The following ARHGAP10 variants were observed in gnomAD, a reference collection of about 807,000 sequenced individuals.
ARHGAP10 encodes Rho GTPase activating protein 10, also known as rho GTPase-activating protein 10.
A neutral mutation model predicts 108.6 loss-of-function variants in ARHGAP10; 87 were observed. The observed-to-expected ratio is 0.80, with a 90% CI of 0.67 to 0.96. The LOEUF (loss-of-function observed/expected upper bound fraction) is 0.96, where lower values mean the gene tolerates loss of function less well. Ranked by LOEUF, ARHGAP10 falls within the 40% of genes least tolerant of loss-of-function variation. ARHGAP10 has a pLI of 0.00. For synonymous variants in ARHGAP10, 347 were observed against 341.1 expected (o/e 1.02, Z -0.19); for missense variants, 939 against 954.5 (o/e 0.98, Z 0.21).
At position 147,817,467 on chromosome 4, in the gene ARHGAP10, T is replaced by A. The variant is rs1732298765; in HGVS notation, c.155-5260T>A. Among the ~76,000 whole-genome samples the A allele has an allele frequency of 2.6e-5, 4 of 152,314 alleles. No homozygotes were observed. The South Asian group carries it at 8.3e-4, about 32-fold the overall frequency. On this transcript the variant is annotated intron_variant, in intron 1 of 22. Coordinates refer to ENST00000336498, the MANE Select transcript of ARHGAP10 (RefSeq NM_024605.4). ...AGAAATAATTTTCTCAGTTGTAGAATCAAGGACAAGCAGTGGCAGTTCAGG... is the reference window on the plus strand; with the variant it reads ...AGAAATAATTTTCTCAGTTGTAGAAACAAGGACAAGCAGTGGCAGTTCAGG...
At chr4:147,843,527 T>C (rs1733502581) in intron 3 of ARHGAP10, among the ~76,000 whole-genome samples, 1 of 152,144 alleles carries the variant, frequency 6.6e-6, no homozygotes. Flanking sequence ...TTTTTTCTTT[T>C]TCTTTTTCTT....
chr4:147,832,945 G>A (rs926841804), intron 3 of ARHGAP10, among the ~76,000 whole-genome samples: 6 of 152,114 alleles, frequency 3.9e-5, no homozygotes, highest in Non-Finnish European at 5.9e-5. Flanking sequence ...TCAGTCCACA[G>A]ACCACTTAAG....
intron 10 of ARHGAP10, among the ~76,000 whole-genome samples, chr4:147,902,073 A>G (rs34970355): frequency 0.7 from 106,692 of 152,086 alleles, 43,534 homozygotes; most frequent in Non-Finnish European, 0.91. Context: ...ATTGTAGTTG[A>G]TCTGTCTTCT....
At chr4:147,931,430 A>C (rs1737677263) in intron 13 of ARHGAP10, among the ~76,000 whole-genome samples, 1 of 152,182 alleles carries the variant, frequency 6.6e-6, no homozygotes, top group Non-Finnish European at 1.5e-5. Context: ...GAAAAATCAC[A>C]ATAATTTGGA....
At chr4:147,810,126 T>C (rs904550892) in intron 1 of ARHGAP10, among the ~76,000 whole-genome samples, 3 of 152,224 alleles carry the variant, frequency 2.0e-5, no homozygotes, top group Non-Finnish European at 4.4e-5. Flanking sequence ...AGGAGTGATA[T>C]TGAGTGGTGG....
At chr4:147,946,963 G>T (rs1389529599) in intron 15 of ARHGAP10, among the ~76,000 whole-genome samples, 1 of 152,124 alleles carries the variant, frequency 6.6e-6, no homozygotes, top group Non-Finnish European at 1.5e-5. Context: ...TACATTTTAG[G>T]AATTAAACAC....
At chr4:147,834,730 G>A (rs146448366) in intron 3 of ARHGAP10, among the ~76,000 whole-genome samples, 524 of 116,936 alleles carry the variant, frequency 4.5e-3, no homozygotes, top group Non-Finnish European at 6.9e-3. Flanking sequence ...ACTTCCACCC[G>A]CACACCCACC....
intron 1 of ARHGAP10, among the ~76,000 whole-genome samples, chr4:147,753,051 A>G (rs1420137508): frequency 2.6e-5 from 4 of 152,218 alleles, no homozygotes; most frequent in Admixed American, 1.3e-4. Flanking sequence ...AATTTTGTCC[A>G]AAGTCATATG....
chr4:147,854,948 C>A, intron 4 of ARHGAP10: 1 of 867,826 alleles, frequency 1.2e-6, no homozygotes, highest in Non-Finnish European at 1.4e-6. Context: ...TGTTGATTTT[C>A]ATAGCCTTCT....
At chr4:147,932,030 A>G (rs1737713517) in intron 13 of ARHGAP10, among the ~76,000 whole-genome samples, 1 of 152,216 alleles carries the variant, frequency 6.6e-6, no homozygotes, top group Non-Finnish European at 1.5e-5. Context: ...TCTCAAGACA[A>G]GACATACATG....
intron 7 of ARHGAP10, among the ~76,000 whole-genome samples, chr4:147,871,572 T>C (rs1405209793): frequency 6.6e-6 from 1 of 152,242 alleles, no homozygotes; most frequent in African/African-American, 2.4e-5. Flanking sequence ...AGCAGTGATC[T>C]TTTATTGGAA....
intron 18 of ARHGAP10, among the ~76,000 whole-genome samples, chr4:147,993,083 G>A (rs1168527971): frequency 2.6e-5 from 4 of 152,174 alleles, no homozygotes; most frequent in South Asian, 2.1e-4. Context: ...AATGATTTGG[G>A]AGCAGGGTTT....
At chr4:147,768,421 C>A (rs1282527831) in intron 1 of ARHGAP10, among the ~76,000 whole-genome samples, 1 of 152,024 alleles carries the variant, frequency 6.6e-6, no homozygotes, top group Non-Finnish European at 1.5e-5. Context: ...TCTAAAGATT[C>A]CGCTGTTAAC....
In ARHGAP10 at chr4:148,072,088, G is replaced by C. The variant is rs781047549; in HGVS notation, c.*7G>C. ...CTACGTCAAGCTGCTGTAGCTCCTGGCCTCAGAGCCCCTGCTGACCCTGGC... is the reference window on the plus strand; with the variant it reads ...CTACGTCAAGCTGCTGTAGCTCCTGCCCTCAGAGCCCCTGCTGACCCTGGC... On this transcript the variant is annotated 3_prime_UTR_variant, in exon 23 of 23. Transcript: ENST00000336498. 1.2e-6 allele frequency: 2 copies of C among 1,608,858 alleles called. No homozygotes were observed. The highest frequency in any genetic ancestry group is 3.4e-5 in the Admixed American group (2 of 59,364).
At chr4:147,773,340 A>T (rs1054993940) in intron 1 of ARHGAP10, among the ~76,000 whole-genome samples, 1 of 152,104 alleles carries the variant, frequency 6.6e-6, no homozygotes, top group Non-Finnish European at 1.5e-5. Context: ...GCTGCATCCT[A>T]TATGCCTCAC....
rs1404872198 is a variant in ARHGAP10, at chr4:148,026,767, A to T, written c.1867+3354A>T. On this transcript the variant is annotated intron_variant, in intron 19 of 22. Coordinates refer to ENST00000336498, the MANE Select transcript of ARHGAP10 (RefSeq NM_024605.4). ...TTTAATCTCAACATCAAAGCTGAGT[A>T]GATTTGGCTAAGTCAGTTATGAAAA... Among the ~76,000 whole-genome samples the T allele has an allele frequency of 2.0e-5, 3 of 152,206 alleles. No individual in the cohort carries two copies. In the East Asian group the frequency reaches 5.8e-4, roughly 29 times the overall value.
intron 19 of ARHGAP10, among the ~76,000 whole-genome samples, chr4:148,032,103 CCTT>C (rs1195510815): frequency 2.0e-5 from 3 of 151,948 alleles, no homozygotes; most frequent in Non-Finnish European, 4.4e-5. Flanking sequence ...ACTCCTCTCC[CCTT>C]CTTTCTTTAT....
At chr4:147,826,905 C>A (rs1311140231) in intron 3 of ARHGAP10, among the ~76,000 whole-genome samples, 3 of 152,118 alleles carry the variant, frequency 2.0e-5, no homozygotes, top group Non-Finnish European at 4.4e-5. Context: ...CCCTCAATAA[C>A]AGTTGGTCTG....
chr4:147,992,008 G>T (rs1378812267), intron 18 of ARHGAP10, among the ~76,000 whole-genome samples: 1 of 152,218 alleles, frequency 6.6e-6, no homozygotes, highest in African/African-American at 2.4e-5. Flanking sequence ...TCAGTGTGGA[G>T]CCTGGGAATC....
Sources: gnomAD v4.1 joint callset for allele counts (sites outside exome capture counted in the v4.1 genomes callset) on GRCh38, gnomAD v4.1.1 for gene constraint, MANE v1.5 for transcripts, NCBI Gene and HGNC (gene_info 2026-07-23, HGNC 2026-07-21) for gene names.